TRHDE: variants seen among roughly 807,000 people sequenced by gnomAD.
TRHDE encodes thyrotropin releasing hormone degrading enzyme, also known as thyrotropin-releasing hormone-degrading ectoenzyme.
A neutral mutation model predicts 125.7 loss-of-function variants in TRHDE; 72 were observed. That is an observed-to-expected ratio of 0.57 (90% confidence interval 0.47 to 0.70). TRHDE has a LOEUF of 0.70. Among genes scored for constraint, TRHDE ranks in the 30% least tolerant of loss-of-function variants. The pLI is 0.00. For missense variants in TRHDE, 1,110 were observed against 1,327.1 expected (o/e 0.84, Z 2.54); for synonymous variants, 509 against 509.1 (o/e 1.00, Z 0.00).
At chr12:72,250,653 G>T (rs1458287190) in intron 2 of TRHDE, among the ~76,000 whole-genome samples, 1 of 151,864 alleles carries the variant, frequency 6.6e-6, no homozygotes, top group Non-Finnish European at 1.5e-5. Context: ...AAGCTGCTTT[G>T]AAATGCTATC....
At chr12:72,122,459 C>T (rs1044150508) in intron 2 of TRHDE, among the ~76,000 whole-genome samples, 4 of 152,082 alleles carry the variant, frequency 2.6e-5, no homozygotes, top group African/African-American at 9.7e-5. Flanking sequence ...GCAGGATATT[C>T]TTTGCTGAAA....
At chr12:72,317,122 G>A (rs1392688198) in intron 2 of TRHDE, among the ~76,000 whole-genome samples, 1 of 152,132 alleles carries the variant, frequency 6.6e-6, no homozygotes, top group Non-Finnish European at 1.5e-5. Context: ...TGATAAGACA[G>A]TCTTAGAAAG....
intron 3 of TRHDE, among the ~76,000 whole-genome samples, chr12:72,429,761 C>T (rs1357139361): frequency 6.6e-6 from 1 of 151,930 alleles, no homozygotes; most frequent in Non-Finnish European, 1.5e-5. Flanking sequence ...GATTGGCATC[C>T]GATGGCTAAT....
At chr12:72,474,284 A>T (rs1444809905) in intron 5 of TRHDE, among the ~76,000 whole-genome samples, 1 of 152,164 alleles carries the variant, frequency 6.6e-6, no homozygotes, top group Non-Finnish European at 1.5e-5. Flanking sequence ...GGTGATAAGA[A>T]CACAACATAA....
chr12:72,374,263 A>G (rs891166586), intron 2 of TRHDE, among the ~76,000 whole-genome samples: 1 of 150,522 alleles, frequency 6.6e-6, no homozygotes, highest in African/African-American at 2.4e-5. Flanking sequence ...ATTACCATTA[A>G]CTGAGGTGGG....
At chr12:72,307,353 T>C (rs1354381524) in intron 2 of TRHDE, among the ~76,000 whole-genome samples, 1 of 151,798 alleles carries the variant, frequency 6.6e-6, no homozygotes, top group Non-Finnish European at 1.5e-5. Context: ...TTTTTGTATT[T>C]TTAGTAGAGA....
chr12:72,191,983 A>G (rs1407303670), intron 2 of TRHDE, among the ~76,000 whole-genome samples: 5 of 152,190 alleles, frequency 3.3e-5, no homozygotes, highest in African/African-American at 1.2e-4. Flanking sequence ...CTAGCTTTGT[A>G]GATTGGAAAT....
At position 72,442,037 on chromosome 12, in the gene TRHDE, A is replaced by G. The variant is rs190328337; in HGVS notation, c.1316-27721A>G. On this transcript the variant is annotated intron_variant, in intron 3 of 18. Transcript: ENST00000261180. ...TTATATTCTCTGTAATGCTTGAGCT[A>G]TATTTAGAGTAACATTTCACCTTGT... Among the ~76,000 whole-genome samples the G allele has an allele frequency of 9.9e-5, 15 of 151,898 alleles. No individual in the cohort carries two copies. In the South Asian group the frequency reaches 2.1e-3, roughly 21 times the overall value.
In TRHDE at chr12:72,479,620, A is replaced by G. The variant is rs904821152; in HGVS notation, c.1584+6440A>G. ...AATAAAGCTGAAAATTAAAAAAATT[A>G]TACATGTTTTTAAAGGATTTTTTTT... On this transcript the variant is annotated intron_variant, in intron 5 of 18. Transcript: ENST00000261180. 4.7e-5 allele frequency among the ~76,000 whole-genome samples: 7 copies of G among 148,354 alleles called. No homozygotes were observed. In the East Asian group the frequency reaches 1.0e-3, roughly 21 times the overall value.
intron 12 of TRHDE, among the ~76,000 whole-genome samples, chr12:72,617,870 C>G (rs1872886026): frequency 6.6e-6 from 1 of 152,108 alleles, no homozygotes; most frequent in Non-Finnish European, 1.5e-5. Context: ...GAAAGTAGAG[C>G]CCTCATGACC....
At chr12:72,640,020 G>A (rs1192707892) in intron 15 of TRHDE, among the ~76,000 whole-genome samples, 4 of 152,148 alleles carry the variant, frequency 2.6e-5, no homozygotes, top group African/African-American at 9.6e-5. Flanking sequence ...CTTGAGCTGT[G>A]GTGGGCTCCA....
intron 2 of TRHDE, among the ~76,000 whole-genome samples, chr12:72,248,008 T>C (rs1273019601): frequency 6.6e-6 from 1 of 152,224 alleles, no homozygotes; most frequent in Non-Finnish European, 1.5e-5. Flanking sequence ...TCAGTGTGTA[T>C]GTATGCATGT....
intron 6 of TRHDE, among the ~76,000 whole-genome samples, chr12:72,520,829 T>G (rs1879160129): frequency 6.6e-6 from 1 of 152,174 alleles, no homozygotes; most frequent in South Asian, 2.1e-4. Flanking sequence ...TCATCTATAT[T>G]CTCTTTTATT....
chr12:72,610,025 T>A (rs1383753156), intron 12 of TRHDE, among the ~76,000 whole-genome samples: 1 of 152,238 alleles, frequency 6.6e-6, no homozygotes, highest in African/African-American at 2.4e-5. Flanking sequence ...ATTTATTTTT[T>A]ATTCATTTCA....
chr12:72,470,863 CTTTTTTTTTT>C (rs768937293), intron 4 of TRHDE, among the ~76,000 whole-genome samples: 8 of 67,934 alleles, frequency 1.2e-4, no homozygotes, highest in Admixed American at 1.0e-3. Context: ...TAAATGTCAG[CTTTTTTTTTT>C]TTTTTTTTTT....
At chr12:72,489,103 G>C (rs1344956599) in intron 5 of TRHDE, among the ~76,000 whole-genome samples, 1 of 150,450 alleles carries the variant, frequency 6.6e-6, no homozygotes, top group African/African-American at 2.4e-5. Context: ...AGAAAAAGAA[G>C]ACCATACAAA....
chr12:72,293,150 G>A (rs1036874022), intron 2 of TRHDE, among the ~76,000 whole-genome samples: 1 of 151,936 alleles, frequency 6.6e-6, no homozygotes, highest in African/African-American at 2.4e-5. Flanking sequence ...AGTGGCCTGA[G>A]CTTCCTTGTA....
chr12:72,472,933 AT>A, intron 4 of TRHDE, 133 bp from the exon 5 acceptor site: 1 of 739,302 alleles, frequency 1.4e-6, no homozygotes, highest in South Asian at 1.9e-5. Flanking sequence ...GCCACAACAC[AT>A]TTTAAGATCA....
chr12:72,557,503 G>A (rs1048949454), intron 7 of TRHDE, among the ~76,000 whole-genome samples: 2 of 152,112 alleles, frequency 1.3e-5, no homozygotes, highest in Non-Finnish European at 2.9e-5. Context: ...ATCCCTTTAT[G>A]TCTCAAGGAG....
Sources: gnomAD v4.1 joint callset for allele counts (sites outside exome capture counted in the v4.1 genomes callset) on GRCh38, gnomAD v4.1.1 for gene constraint, MANE v1.5 for transcripts, NCBI Gene and HGNC (gene_info 2026-07-23, HGNC 2026-07-21) for gene names.